MYH13: variants seen among roughly 807,000 people sequenced by gnomAD.
MYH13 encodes myosin heavy chain 13, also known as myosin-13.
In MYH13, 177 loss-of-function variants were observed where a neutral mutation model predicts 232.1. That is an observed-to-expected ratio of 0.76 (90% CI 0.67 to 0.86). The LOEUF (loss-of-function observed/expected upper bound fraction) is 0.86, where lower values mean the gene tolerates loss of function less well. Among genes scored for constraint, MYH13 ranks in the 40% least tolerant of loss-of-function variants. MYH13 has a pLI of 0.00. For missense variants in MYH13, 2,246 were observed against 2,405.9 expected, an observed-to-expected ratio of 0.93 and a Z score of 1.39; for synonymous variants, 884 against 923.5, an observed-to-expected ratio of 0.96 and a Z score of 0.78.
rs61543278 is a variant in MYH13 at position 10,326,981 on chromosome 17, GTTTTTTTTT to G, written c.2691+876_2691+884del. On this transcript the variant is annotated intron_variant, in intron 22 of 40. Coordinates refer to ENST00000252172, the MANE Select transcript of MYH13 (RefSeq NM_003802.3). The stretch of plus-strand genomic sequence containing the variant: ...GAGACATGCACCACCATGCCTACTA[GTTTTTTTTT>G]TTTTTTTTTTTTTTTTTTTTTTTTT... 8.2e-4 allele frequency among the ~76,000 whole-genome samples: 46 copies of G among 55,830 alleles called. 11 individuals carry two copies. Among genetic ancestry groups the G allele is most frequent in the African/African-American group, 2.2e-3 (28 of 12,840 alleles). 36.6% of individuals were successfully genotyped at this position (55,830 alleles called of 152,430 possible). A position where few individuals can be genotyped will look rare whatever the true frequency, so the allele number is the denominator to read the frequency against.
intron 12 of MYH13, among the ~76,000 whole-genome samples, chr17:10,347,426 T>C (rs1013600998): frequency 6.6e-6 from 1 of 152,184 alleles, no homozygotes; most frequent in Admixed American, 6.6e-5. Context: ...TAAAATGTTA[T>C]ATGAGTAAAG....
intron 18 of MYH13, among the ~76,000 whole-genome samples, chr17:10,339,651 T>C (rs2071605981): frequency 6.6e-6 from 1 of 152,174 alleles, no homozygotes; most frequent in Admixed American, 6.5e-5. Context: ...ACACACAATA[T>C]TTTGAATATG....
chr17:10,372,756 A>G (rs935934290), intron 1 of MYH13, among the ~76,000 whole-genome samples: 1 of 152,178 alleles, frequency 6.6e-6, no homozygotes, highest in African/African-American at 2.4e-5. Context: ...TTTTTGTCTT[A>G]TAATTGCTTA....
chr17:10,313,278 T>C lies in MYH13; in HGVS notation c.4061A>G (p.Glu1354Gly). Residue 1354 changes from glutamate (E) to glycine (G), a missense_variant, in exon 30 of 41, where the codon GAG becomes GGG. Glu to Gly is a moderately conservative substitution (Grantham distance 98). Coordinates refer to ENST00000252172, the MANE Select transcript of MYH13 (RefSeq NM_003802.3). ...CTGCAGCTCGGCCTTGGCTTCCTGC[T>C]CCTCCTCATACTGTTCCCGCAGCAG... ...CDLLREQYEE[E>G]QEAKAELQRA... 2 of 1,614,186 alleles carry C rather than the reference T, an allele frequency of 1.2e-6. No homozygotes were observed. Among genetic ancestry groups the C allele is most frequent in the Non-Finnish European group, 1.7e-6 (2 of 1,180,030 alleles).
At chr17:10,333,379 T>C (rs1026365589) in intron 18 of MYH13, among the ~76,000 whole-genome samples, 188 bp from the exon 19 acceptor site, 1 of 152,094 alleles carries the variant, frequency 6.6e-6, no homozygotes, top group Non-Finnish European at 1.5e-5. Context: ...CGCAGTGAAA[T>C]AATCCCACCC....
rs777536390 is a variant in MYH13 at position 10,309,658 on chromosome 17, C to T, written c.4829G>A (p.Arg1610His). Residue 1610 changes from arginine (R) to histidine (H), a missense_variant, in exon 34 of 41, where the codon CGC becomes CAC. By Grantham distance (29) the Arg-to-His change is conservative. Transcript: ENST00000252172. ...TAGCCTCAGGGCGTCGTTCCGGCTGCGGATTTCAGCATCCAGCACGCTCTG... is the reference window on the plus strand; with the variant it reads ...TAGCCTCAGGGCGTCGTTCCGGCTGTGGATTTCAGCATCCAGCACGCTCTG... ...ALQSVLDAEI[R>H]SRNDALRLKK... The T allele has an allele frequency of 8.1e-6, 13 of 1,610,922 alleles. No individual in the cohort carries two copies. The South Asian group carries it at 1.3e-4, about 16-fold the overall frequency.
Position 10,362,498 on chromosome 17 carries a change from G to C in MYH13, c.210C>G (p.Leu70=). ...GGAAGACCTGGTCATTGTTCAGAGT[G>C]AGCATCTGGGTATTGAGAGGAAAAG... ...VIVKTLDDRM[L]TLNNDQVFPM... is the part of the protein sequence containing the mutation. The change falls in exon 4 of 41, where the codon CTC becomes CTG. Residue 70 remains leucine, a synonymous_variant. Coordinates refer to ENST00000252172, the MANE Select transcript of MYH13 (RefSeq NM_003802.3). 2 of 1,614,166 alleles carry C rather than the reference G, an allele frequency of 1.2e-6. No homozygotes were observed. The highest frequency in any genetic ancestry group is 1.3e-5 in the African/African-American group (1 of 75,030).
In MYH13 at chr17:10,325,380, T is replaced by C. The variant is rs145712700; in HGVS notation, c.2692-1116A>G. 1.9e-3 allele frequency among the ~76,000 whole-genome samples: 288 copies of C among 152,238 alleles called. 3 individuals carry two copies. Among genetic ancestry groups the C allele is most frequent in the East Asian group, 0.01 (54 of 5,164 alleles). On this transcript the variant is annotated intron_variant, in intron 22 of 40. Transcript: ENST00000252172. The stretch of plus-strand genomic sequence containing the variant: ...ATTTTCTAGAGATAAGGTATCACTA[T>C]GTTGCCCAGGCTGGTCTCGAGCTTC...
At chr17:10,361,975 A>G in intron 5 of MYH13, 143 bp downstream of exon 5, 1 of 1,487,864 alleles carries the variant, frequency 6.7e-7, no homozygotes, top group East Asian at 2.3e-5. Context: ...AAGATGTTGT[A>G]CCCTTTGCTT....
chr17:10,340,520 G>T, intron 16 of MYH13, 119 bp from the exon 17 acceptor site: 1 of 737,394 alleles, frequency 1.4e-6, no homozygotes, highest in Non-Finnish European at 2.2e-6. Context: ...GAGACTTGAG[G>T]TTTTGTTTGT....
chr17:10,343,586 A>T (rs1283473905), intron 16 of MYH13, among the ~76,000 whole-genome samples: 2 of 152,224 alleles, frequency 1.3e-5, no homozygotes, highest in East Asian at 3.9e-4. Flanking sequence ...GATGTTGACT[A>T]TCTTGGCCAC....
At chr17:10,310,524 C>G (rs1411525805) in intron 33 of MYH13, among the ~76,000 whole-genome samples, 1 of 152,154 alleles carries the variant, frequency 6.6e-6, no homozygotes, top group Non-Finnish European at 1.5e-5. Flanking sequence ...CGCTCATGAA[C>G]AAATTATTTT....
chr17:10,324,764 T>TTTTG (rs1470059789), intron 22 of MYH13: 1 of 92,866 alleles, frequency 1.1e-5, no homozygotes, highest in Non-Finnish European at 2.9e-5. Context: ...ATGTTTTTTT[T>TTTTG]TTTTTTTTTT....
chr17:10,306,664 T>C lies in MYH13; in HGVS notation c.5296-35A>G. 1 of 1,612,338 alleles carries C rather than the reference T, an allele frequency of 6.2e-7. No individual in the cohort carries two copies. The highest frequency in any genetic ancestry group is 8.5e-7 in the Non-Finnish European group (1 of 1,179,468). The stretch of plus-strand genomic sequence containing the variant: ...TTCACAGGACACATCAGAGGCCCTG[T>C]CCGCCCATCCCTACCCAGAGCTTGC... On this transcript the variant is annotated intron_variant, in intron 36 of 40. Transcript: ENST00000252172. This position sits in a 1 kb window ranked among gnomAD's most constrained non-coding sequence, Gnocchi z 4.3.
intron 35 of MYH13, among the ~76,000 whole-genome samples, chr17:10,307,484 C>G (rs193105029): frequency 6.6e-6 from 1 of 151,914 alleles, no homozygotes; most frequent in East Asian, 1.9e-4. Flanking sequence ...GAAAATATTC[C>G]CTTTCTTAAC....
chr17:10,366,379 C>CTTTTTTTTTTT (rs1555553015), intron 2 of MYH13, among the ~76,000 whole-genome samples: 13 of 117,026 alleles, frequency 1.1e-4, no homozygotes, highest in African/African-American at 2.8e-4. Context: ...AGAAATAAAT[C>CTTTTTTTTTTT]TGTTTTTTTT....
intron 7 of MYH13, among the ~76,000 whole-genome samples, chr17:10,359,006 C>T (rs915750034): frequency 6.6e-6 from 1 of 152,242 alleles, no homozygotes; most frequent in African/African-American, 2.4e-5. Context: ...GGTGGAACCA[C>T]TTCCTGCTTT....
intron 8 of MYH13, among the ~76,000 whole-genome samples, chr17:10,356,248 C>G (rs1370236457): frequency 1.3e-5 from 2 of 152,154 alleles, no homozygotes; most frequent in Non-Finnish European, 2.9e-5. Context: ...AGTAAAGGCA[C>G]ATGTGCACTG....
chr17:10,338,356 T>C (rs2071592433), intron 18 of MYH13, among the ~76,000 whole-genome samples: 1 of 151,114 alleles, frequency 6.6e-6, no homozygotes, highest in South Asian at 2.1e-4. Flanking sequence ...TATATCACAA[T>C]GATGTAGTTG....
Sources: allele counts gnomAD v4.1 joint callset (sites outside exome capture counted in the v4.1 genomes callset), GRCh38; gene constraint gnomAD v4.1.1; non-coding constraint Gnocchi (gnomAD v3.1); transcripts MANE v1.5; gene names NCBI Gene and HGNC (gene_info 2026-07-23, HGNC 2026-07-21).